The following ZRANB3 variants were observed in gnomAD, a reference collection of about 807,000 sequenced individuals.
ZRANB3 encodes the protein DNA annealing helicase and endonuclease ZRANB3.
ZRANB3 carries 125 observed loss-of-function variants against 133.8 expected under a neutral mutation model. The ratio of observed to expected loss-of-function variants is 0.93; its 90% confidence interval spans 0.81 to 1.08. ZRANB3 has a LOEUF of 1.08. Among genes scored for constraint, ZRANB3 ranks in the 50% least tolerant of loss-of-function variants. The probability of loss-of-function intolerance (pLI) is 0.00; values close to 1 mark genes in which losing one functional copy is unlikely to be tolerated. For missense variants in ZRANB3, 1,229 were observed against 1,275.5 expected (o/e 0.96, Z 0.56); for synonymous variants, 387 against 432.7 (o/e 0.89, Z 1.31).
chr2:135,458,037 T>C (rs1316805258), intron 2 of ZRANB3, among the ~76,000 whole-genome samples: 1 of 152,146 alleles, frequency 6.6e-6, no homozygotes, highest in Non-Finnish European at 1.5e-5. Context: ...GTTCTAGCTC[T>C]TACATCTTTG....
At chr2:135,407,818 T>G (rs1306060668) in intron 2 of ZRANB3, among the ~76,000 whole-genome samples, 1 of 134,586 alleles carries the variant, frequency 7.4e-6, no homozygotes, top group African/African-American at 3.6e-5. Context: ...ATACAAAAAT[T>G]AATTCAAGAT....
chr2:135,308,998 T>G (rs2104818453), intron 8 of ZRANB3, among the ~76,000 whole-genome samples: 1 of 151,186 alleles, frequency 6.6e-6, no homozygotes, highest in South Asian at 2.1e-4. Context: ...TTTTTTTTTT[T>G]GAGATGGAGT....
At chr2:135,418,793 A>G (rs1292463817) in intron 2 of ZRANB3, among the ~76,000 whole-genome samples, 2 of 152,038 alleles carry the variant, frequency 1.3e-5, no homozygotes, top group Non-Finnish European at 2.9e-5. Flanking sequence ...GGCCCAGAGG[A>G]GCTTTTCTAG....
At chr2:135,329,019 C>T (rs1271997778) in intron 6 of ZRANB3, among the ~76,000 whole-genome samples, 2 of 152,288 alleles carry the variant, frequency 1.3e-5, no homozygotes, top group South Asian at 2.1e-4. Flanking sequence ...TGCCTGTTCA[C>T]TCTGATGATA....
At chr2:135,512,423 T>C (rs975176762) in intron 1 of ZRANB3, among the ~76,000 whole-genome samples, 4 of 151,972 alleles carry the variant, frequency 2.6e-5, no homozygotes, top group African/African-American at 9.7e-5. Flanking sequence ...TATATAAACT[T>C]TGGGGAGATA....
chr2:135,217,595 C>A lies in ZRANB3; in HGVS notation c.2365G>T (p.Val789Phe). 2 of 1,609,784 alleles carry A rather than the reference C, an allele frequency of 1.2e-6. No individual in the cohort carries two copies. The highest frequency in any genetic ancestry group is 2.2e-5 in the South Asian group (2 of 89,496). Residue 789 changes from valine (V) to phenylalanine (F), a missense_variant, in exon 17 of 21, where the codon GTT becomes TTT. Physicochemically the swap from Val to Phe is conservative, Grantham distance 50. Coordinates refer to ENST00000264159, the MANE Select transcript of ZRANB3 (RefSeq NM_032143.4). ...GCAGTTAGACTACTCCATTCTCGAA[C>A]AAATCTCAAAATCTGGCAGAAAATG... is the stretch of plus-strand genomic sequence containing the variant. Reference protein sequence around the residue: ...KQYRSLILRFVREWSSLTAMK... With the variant: ...KQYRSLILRFFREWSSLTAMK...
At chr2:135,258,229 G>A (rs1162594723) in intron 12 of ZRANB3, among the ~76,000 whole-genome samples, 1 of 152,166 alleles carries the variant, frequency 6.6e-6, no homozygotes, top group Non-Finnish European at 1.5e-5. Context: ...ATTATTGAGT[G>A]TATTAAAAGT....
At chr2:135,272,509 G>A (rs1163670574) in intron 9 of ZRANB3, among the ~76,000 whole-genome samples, 1 of 147,778 alleles carries the variant, frequency 6.8e-6, no homozygotes, top group Non-Finnish European at 1.5e-5. Context: ...CCGCCTCCGG[G>A]TTCACGCCAT....
At chr2:135,466,688 T>TG (rs565708259) in intron 2 of ZRANB3, among the ~76,000 whole-genome samples, 117 of 152,108 alleles carry the variant, frequency 7.7e-4, no homozygotes, top group Admixed American at 6.2e-3. Context: ...TGATTTTTTT[T>TG]TTTTTTGAGA....
intron 6 of ZRANB3, among the ~76,000 whole-genome samples, chr2:135,326,898 C>CAAAAA (rs56683794): frequency 7.7e-3 from 465 of 60,498 alleles, no homozygotes; most frequent in Non-Finnish European, 0.016. Context: ...GACTCCATCT[C>CAAAAA]AAAAAAAAAA....
At chr2:135,522,473 G>A (rs1036447555) in intron 1 of ZRANB3, among the ~76,000 whole-genome samples, 1 of 152,140 alleles carries the variant, frequency 6.6e-6, no homozygotes, top group African/African-American at 2.4e-5. Context: ...CCCCAACAGG[G>A]AGAAAAAAGC....
intron 2 of ZRANB3, among the ~76,000 whole-genome samples, chr2:135,484,870 C>T (rs1692019415): frequency 6.6e-6 from 1 of 151,594 alleles, no homozygotes; most frequent in Admixed American, 6.6e-5. Flanking sequence ...CCCGCCTCTA[C>T]TAAAAATACA....
chr2:135,523,941 C>T (rs971656116), intron 1 of ZRANB3, among the ~76,000 whole-genome samples: 2 of 152,164 alleles, frequency 1.3e-5, no homozygotes, highest in African/African-American at 4.8e-5. Context: ...GTGGGATAAA[C>T]AGTTTTAAGT....
chr2:135,260,881 T>C (rs1225100792), intron 12 of ZRANB3, among the ~76,000 whole-genome samples: 2 of 145,946 alleles, frequency 1.4e-5, no homozygotes, highest in Non-Finnish European at 3.0e-5. Context: ...TAATATATAC[T>C]ATATATACAC....
At chr2:135,520,802 TG>T (rs1356065667) in intron 1 of ZRANB3, among the ~76,000 whole-genome samples, 1 of 151,942 alleles carries the variant, frequency 6.6e-6, no homozygotes, top group African/African-American at 2.4e-5. Context: ...TCAGGCTAAT[TG>T]TTTTTTTTTT....
At chr2:135,318,901 A>T (rs1334137715) in intron 6 of ZRANB3, among the ~76,000 whole-genome samples, 1 of 152,252 alleles carries the variant, frequency 6.6e-6, no homozygotes, top group Non-Finnish European at 1.5e-5. Flanking sequence ...GGCAGAAGGA[A>T]CTTCCTCTAC....
At chr2:135,519,446 G>T (rs1245468905) in intron 1 of ZRANB3, among the ~76,000 whole-genome samples, 1 of 152,078 alleles carries the variant, frequency 6.6e-6, no homozygotes, top group African/African-American at 2.4e-5. Flanking sequence ...GGGAGGTCCA[G>T]GCTGCAGTGA....
In ZRANB3 at chr2:135,230,716, T is replaced by A; in HGVS notation, c.1751A>T (p.Glu584Val). The A allele has an allele frequency of 6.2e-7, 1 of 1,613,024 alleles. No homozygotes were observed. Among genetic ancestry groups the A allele is most frequent in the Non-Finnish European group, 8.5e-7 (1 of 1,179,576 alleles). The stretch of plus-strand genomic sequence containing the variant: ...CTCTTCCGACGGACTGCAGTGGTCT[T>A]CCGAGGCAGCCAATTTCAATCTTTT... ...ETKRLKLAAS[E>V]DHCSPSEETP... Residue 584 changes from glutamate (E) to valine (V), a missense_variant, in exon 13 of 21, where the codon GAA becomes GTA. Coordinates refer to ENST00000264159, the MANE Select transcript of ZRANB3 (RefSeq NM_032143.4).
At position 135,277,872 on chromosome 2, in the gene ZRANB3, C is replaced by T. The variant is rs1186599102; in HGVS notation, c.967-2117G>A. ...CCTGGGAGGTGGAGGTTGCAGTGAG[C>T]CGAGATTACACCACTGCTCTCCAGC... is the stretch of plus-strand genomic sequence containing the variant. On this transcript the variant is annotated intron_variant, in intron 8 of 20. Transcript: ENST00000264159. 2.0e-5 allele frequency among the ~76,000 whole-genome samples: 3 copies of T among 150,982 alleles called. No individual in the cohort carries two copies. In the East Asian group the frequency reaches 5.8e-4, roughly 29 times the overall value.
Sources: allele counts gnomAD v4.1 joint callset (sites outside exome capture counted in the v4.1 genomes callset), GRCh38; gene constraint gnomAD v4.1.1; transcripts MANE v1.5; gene names NCBI Gene and HGNC (gene_info 2026-07-23, HGNC 2026-07-21).